The following SORCS1 variants were observed in gnomAD, a reference collection of about 807,000 sequenced individuals.
SORCS1 encodes the protein sortilin related VPS10 domain containing receptor 1, also known as VPS10 domain-containing receptor SorCS1.
Under a neutral mutation model 146.1 loss-of-function variants are expected in SORCS1, and 60 were observed. The observed-to-expected ratio is 0.41, with a 90% CI of 0.33 to 0.51. The LOEUF is 0.51. Among genes scored for constraint, SORCS1 ranks in the 20% least tolerant of loss-of-function variants. The probability of loss-of-function intolerance (pLI) is 0.21; values close to 1 mark genes in which losing one functional copy is unlikely to be tolerated. For missense variants in SORCS1, 1,352 were observed against 1,487.6 expected (o/e 0.91, Z 1.50); for synonymous variants, 637 against 584.0 (o/e 1.09, Z -1.31).
rs192120810 is a variant in SORCS1 at position 107,001,458 on chromosome 10, A to G, written c.559-44878T>C. Among the ~76,000 whole-genome samples, 160 of 152,292 alleles carry G rather than the reference A, an allele frequency of 1.1e-3. No homozygotes were observed. In the Middle Eastern group the frequency reaches 0.017, roughly 16 times the overall value. The stretch of plus-strand genomic sequence containing the variant: ...GCTTTTTAGTAATCTACTTATAAGC[A>G]AAGACATGGGGGTTCAATCTGGGAT... On this transcript the variant is annotated intron_variant, in intron 1 of 25. Transcript: ENST00000263054.
At chr10:106,716,717 TC>T (rs1296500686) in intron 6 of SORCS1, among the ~76,000 whole-genome samples, 2 of 152,120 alleles carry the variant, frequency 1.3e-5, no homozygotes, top group Non-Finnish European at 2.9e-5. Context: ...AACCTTTCCA[TC>T]CCCAGAATGT....
In SORCS1 at chr10:106,675,062, T is replaced by A; in HGVS notation, c.1927A>T (p.Thr643Ser). ...DGVLGEPGEETLIMTVFGHFS... is the reference protein window; with the variant it reads ...DGVLGEPGEESLIMTVFGHFS... ...TTTTCAACTTACGTCATGATGAGAG[T>A]CTCTTCTCCAGGCTCACCCAGAACC... The change falls in exon 14 of 26, where the codon ACT (threonine) becomes TCT (serine). Residue 643 changes from threonine to serine, a missense_variant. Coordinates refer to ENST00000263054, the MANE Select transcript of SORCS1 (RefSeq NM_052918.5). 1.9e-6 allele frequency: 3 copies of A among 1,612,922 alleles called. No homozygotes were observed. The South Asian group carries it at 3.3e-5, about 18-fold the overall frequency.
At chr10:106,955,865 T>A (rs1954914692) in intron 2 of SORCS1, among the ~76,000 whole-genome samples, 1 of 152,112 alleles carries the variant, frequency 6.6e-6, no homozygotes, top group African/African-American at 2.4e-5. Context: ...TGGTGGCGCA[T>A]GCCTGTAATC....
Position 106,577,570 on chromosome 10 carries a change from GTAACAC to G in SORCS1, c.3372-21_3372-16del. ...AAGCTACTCTCCTAAGAGAAAACGT[GTAACAC>G]TTACTCATTTAATGACACTGGAAAG... On this transcript the variant is annotated splice_polypyrimidine_tract_variant and intron_variant, in intron 25 of 25. Transcript: ENST00000263054. The G allele has an allele frequency of 6.2e-7, 1 of 1,610,368 alleles. No homozygotes were observed. The highest frequency in any genetic ancestry group is 8.5e-7 in the Non-Finnish European group (1 of 1,177,758).
intron 3 of SORCS1, among the ~76,000 whole-genome samples, chr10:106,806,492 T>C (rs1341951783): frequency 1.4e-5 from 2 of 147,156 alleles, no homozygotes; most frequent in Non-Finnish European, 3.0e-5. Context: ...GCCCTTCTGA[T>C]GAGAGAGGAA....
intron 2 of SORCS1, among the ~76,000 whole-genome samples, chr10:106,833,735 A>G (rs1298762319): frequency 1.3e-5 from 2 of 152,192 alleles, no homozygotes; most frequent in Non-Finnish European, 2.9e-5. Context: ...TGGGGGACAC[A>G]GTGACCTTGG....
chr10:106,835,452 A>T (rs929145268), intron 2 of SORCS1, among the ~76,000 whole-genome samples: 1 of 152,188 alleles, frequency 6.6e-6, no homozygotes, highest in African/African-American at 2.4e-5. Context: ...GTGAACCCTC[A>T]ATGAAAACCC....
chr10:107,014,440 T>C (rs1288416019), intron 1 of SORCS1, among the ~76,000 whole-genome samples: 3 of 152,126 alleles, frequency 2.0e-5, no homozygotes, highest in African/African-American at 7.2e-5. Context: ...TGTTAAAATG[T>C]TTCAAGGTGT....
chr10:107,179,505 C>G, the SORCS1 span, among the ~76,000 whole-genome samples: 16 of 152,240 alleles, frequency 1.1e-4, no homozygotes, highest in African/African-American at 3.6e-4. Flanking sequence ...GCATTTTTTA[C>G]TCTGCATGAT....
At chr10:106,689,842 G>C (rs1014583210) in intron 9 of SORCS1, among the ~76,000 whole-genome samples, 1 of 152,284 alleles carries the variant, frequency 6.6e-6, no homozygotes, top group Middle Eastern at 3.4e-3. Context: ...CACACATTTT[G>C]CCTTTGCTTT....
In SORCS1 at chr10:107,024,025, T is replaced by G. The variant is rs533145569; in HGVS notation, c.559-67445A>C. Among the ~76,000 whole-genome samples, 6 of 151,890 alleles carry G rather than the reference T, an allele frequency of 4.0e-5. No individual in the cohort carries two copies. In the South Asian group the frequency reaches 1.3e-3, roughly 32 times the overall value. ...CACGTCTCTACTAAAGACAGAAAAA[T>G]TAGCCGGGCATGGTGGCGTATGCCT... On this transcript the variant is annotated intron_variant, in intron 1 of 25. Coordinates refer to ENST00000263054, the MANE Select transcript of SORCS1 (RefSeq NM_052918.5).
intron 1 of SORCS1, among the ~76,000 whole-genome samples, chr10:106,989,689 T>TG (rs1484125780): frequency 7.0e-5 from 10 of 142,252 alleles, no homozygotes; most frequent in African/African-American, 2.8e-4. Flanking sequence ...TGTTTTTTTT[T>TG]TTTTTTTTTT....
At chr10:106,649,100 TCA>T (rs1182745393) in intron 18 of SORCS1, among the ~76,000 whole-genome samples, 1 of 152,108 alleles carries the variant, frequency 6.6e-6, no homozygotes, top group Non-Finnish European at 1.5e-5. Flanking sequence ...AACCTTGCAC[TCA>T]CTCTCCAAGC....
At chr10:106,755,154 C>T (rs376480926) in intron 5 of SORCS1, among the ~76,000 whole-genome samples, 26 of 152,296 alleles carry the variant, frequency 1.7e-4, no homozygotes, top group African/African-American at 4.8e-4. Context: ...TACCACTGAT[C>T]GTCCACCACC....
intron 1 of SORCS1, among the ~76,000 whole-genome samples, chr10:107,093,787 A>G (rs908742700): frequency 1.1e-4 from 17 of 151,988 alleles, no homozygotes; most frequent in African/African-American, 3.6e-4. Context: ...CAATCTGCCT[A>G]TCACTACCTC....
intron 2 of SORCS1, among the ~76,000 whole-genome samples, chr10:106,883,517 C>T (rs929369906): frequency 2.0e-5 from 3 of 151,810 alleles, no homozygotes; most frequent in Admixed American, 2.0e-4. Flanking sequence ...TGAGTTCACG[C>T]TATTCTCCCG....
At position 106,811,427 on chromosome 10, in the gene SORCS1, G is replaced by A. The variant is rs149612654; in HGVS notation, c.726+18147C>T. Reference sequence around the variant, plus strand: ...TAGTAAAGTGTAGTACTTGGTCTACGTGCAGCAGAACTGCAGGGAGATGGA... The same window carrying A: ...TAGTAAAGTGTAGTACTTGGTCTACATGCAGCAGAACTGCAGGGAGATGGA... On this transcript the variant is annotated intron_variant, in intron 3 of 25. Coordinates refer to ENST00000263054, the MANE Select transcript of SORCS1 (RefSeq NM_052918.5). 1.4e-4 allele frequency among the ~76,000 whole-genome samples: 21 copies of A among 152,298 alleles called. No homozygotes were observed. In the East Asian group the frequency reaches 3.5e-3, roughly 25 times the overall value.
At chr10:107,109,553 C>G (rs1965539461) in intron 1 of SORCS1, among the ~76,000 whole-genome samples, 1 of 152,228 alleles carries the variant, frequency 6.6e-6, no homozygotes, top group South Asian at 2.1e-4. Flanking sequence ...GCCCTGGGCC[C>G]TGCCCCTGAA....
rs1423971628 is a variant in SORCS1 at position 107,082,031 on chromosome 10, C to T, written c.558+81938G>A. Among the ~76,000 whole-genome samples the T allele has an allele frequency of 2.0e-5, 3 of 152,210 alleles. No individual in the cohort carries two copies. In the East Asian group the frequency reaches 5.8e-4, roughly 29 times the overall value. On this transcript the variant is annotated intron_variant, in intron 1 of 25. Coordinates refer to ENST00000263054, the MANE Select transcript of SORCS1 (RefSeq NM_052918.5). ...CTCCAAAGAGACAGTGGCAGTTTCC[C>T]ATTTGGCATGTTTGAAGCAATAGCA...
Sources: gnomAD v4.1 joint callset for allele counts (sites outside exome capture counted in the v4.1 genomes callset) on GRCh38, gnomAD v4.1.1 for gene constraint, MANE v1.5 for transcripts, NCBI Gene and HGNC (gene_info 2026-07-23, HGNC 2026-07-21) for gene names.